RNF180: variants seen among roughly 807,000 people sequenced by gnomAD.
RNF180 encodes the protein ring finger protein 180.
RNF180 carries 38 observed loss-of-function variants against 59.2 expected under a neutral mutation model. The ratio of observed to expected loss-of-function variants is 0.64; its 90% CI spans 0.50 to 0.84. The LOEUF is 0.84. RNF180 is among the 40% of genes least tolerant of loss of function. The pLI, the probability that RNF180 is intolerant of heterozygous loss-of-function variation, is 0.00. For missense variants in RNF180, 705 were observed against 700.9 expected (o/e 1.01, Z -0.07); for synonymous variants, 262 against 240.3 (o/e 1.09, Z -0.84).
At chr5:64,173,383 G>T (rs148546123) in intron 1 of RNF180, among the ~76,000 whole-genome samples, 3,064 of 152,070 alleles carry the variant, frequency 0.02, 56 homozygotes, top group Middle Eastern at 0.051. Flanking sequence ...ATATTTGGGG[G>T]TACAGTGTGA....
chr5:64,178,760 A>G (rs1750400415), intron 1 of RNF180, among the ~76,000 whole-genome samples: 1 of 152,326 alleles, frequency 6.6e-6, no homozygotes, highest in Non-Finnish European at 1.5e-5. Context: ...AACTGTCCAC[A>G]TAGCCATTAG....
rs908858232 is a variant in RNF180, at chr5:64,330,181, G to A, written c.1454-100G>A. Reference sequence around the variant, plus strand: ...TCACTGACTTAAAGAGGTGTGAATTGTATCAAATAGTATCAAAATACTACA... The same window carrying A: ...TCACTGACTTAAAGAGGTGTGAATTATATCAAATAGTATCAAAATACTACA... On this transcript the variant is annotated intron_variant, in intron 6 of 7. Coordinates refer to ENST00000389100, the MANE Select transcript of RNF180 (RefSeq NM_001113561.2). The A allele has an allele frequency of 1.1e-5, 9 of 797,666 alleles. No individual in the cohort carries two copies. The African/African-American group carries it at 1.4e-4, about 13-fold the overall frequency. The allele number at this position is 797,666 out of a possible 1,614,324, so 49.4% of individuals were successfully genotyped here. A position where few individuals can be genotyped will look rare whatever the true frequency, so the allele number is the denominator to read the frequency against.
At position 64,270,594 on chromosome 5, in the gene RNF180, A is replaced by G. The variant is rs531588041; in HGVS notation, c.1227+53198A>G. Among the ~76,000 whole-genome samples the G allele has an allele frequency of 5.9e-5, 9 of 152,262 alleles. No individual in the cohort carries two copies. The East Asian group carries it at 1.7e-3, about 29-fold the overall frequency. ...TGGCATTCTTCCCATTGTGCTGATA[A>G]GTACATTGAGACTCAGAGAGGTTGA... is the stretch of plus-strand genomic sequence containing the variant. On this transcript the variant is annotated intron_variant, in intron 5 of 7. Transcript: ENST00000389100.
upstream of RNF180, chr5:64,165,781 G>A (rs1016790744): frequency 6.6e-6 from 1 of 152,228 alleles, no homozygotes; most frequent in African/African-American, 2.4e-5. Flanking sequence ...GCGGGGTCGG[G>A]GCTGCAGGCA....
At position 64,272,258 on chromosome 5, in the gene RNF180, C is replaced by A. The variant is rs780135690; in HGVS notation, c.1228-52928C>A. ...TTTTAGTTTGAGGAGTCAGGGAAGG[C>A]TTTCCAAATTGAAAAAGTGTCCTTT... On this transcript the variant is annotated intron_variant, in intron 5 of 7. Transcript: ENST00000389100. Among the ~76,000 whole-genome samples, 233 of 151,908 alleles carry A rather than the reference C, an allele frequency of 1.5e-3. 2 individuals carry two copies. The highest frequency in any genetic ancestry group is 8.5e-4 in the Admixed American group (13 of 15,222).
intron 7 of RNF180, among the ~76,000 whole-genome samples, chr5:64,334,588 A>C (rs752706080): frequency 6.6e-6 from 1 of 152,150 alleles, no homozygotes; most frequent in Non-Finnish European, 1.5e-5. Context: ...TTTTGTATTT[A>C]TCATTTCTTT....
intron 1 of RNF180, among the ~76,000 whole-genome samples, chr5:64,192,121 A>G (rs1006551287): frequency 3.9e-5 from 6 of 151,920 alleles, no homozygotes; most frequent in East Asian, 1.9e-4. Context: ...ATTTTGAGAT[A>G]GCAAACAAAC....
At chr5:64,237,405 G>A (rs951672198) in intron 5 of RNF180, among the ~76,000 whole-genome samples, 1 of 152,078 alleles carries the variant, frequency 6.6e-6, no homozygotes. Flanking sequence ...TTTGGAATGG[G>A]AACATTTACC....
intron 5 of RNF180, among the ~76,000 whole-genome samples, chr5:64,269,930 C>G (rs1218371676): frequency 6.6e-6 from 1 of 152,042 alleles, no homozygotes; most frequent in East Asian, 1.9e-4. Context: ...CATTCATTGC[C>G]TGGCTGAAAT....
intron 5 of RNF180, among the ~76,000 whole-genome samples, chr5:64,233,152 T>C (rs2112204457): frequency 6.6e-6 from 1 of 152,260 alleles, no homozygotes; most frequent in Admixed American, 6.5e-5. Flanking sequence ...TCCAAAAAAA[T>C]GGAATGTAAA....
intron 5 of RNF180, among the ~76,000 whole-genome samples, chr5:64,239,645 A>G (rs1365362339): frequency 1.3e-5 from 2 of 152,176 alleles, no homozygotes; most frequent in African/African-American, 2.4e-5. Flanking sequence ...AGAACAGTTT[A>G]AAATCAGCGA....
At chr5:64,173,995 T>C (rs2111891658) in intron 1 of RNF180, among the ~76,000 whole-genome samples, 1 of 152,296 alleles carries the variant, frequency 6.6e-6, no homozygotes, top group South Asian at 2.1e-4. Flanking sequence ...ATTACAGGCG[T>C]GAGCCACCAC....
chr5:64,292,044 G>T (rs1742619927), intron 5 of RNF180, among the ~76,000 whole-genome samples: 2 of 152,066 alleles, frequency 1.3e-5, no homozygotes, highest in South Asian at 4.2e-4. Context: ...ATTTTGTCAT[G>T]ATTCTTAGCT....
intron 5 of RNF180, among the ~76,000 whole-genome samples, chr5:64,286,902 T>C (rs1175797053): frequency 1.3e-5 from 2 of 152,092 alleles, no homozygotes; most frequent in Non-Finnish European, 2.9e-5. Flanking sequence ...AAGGGCAAAC[T>C]GGAAGGGGAA....
chr5:64,280,796 C>T (rs1741972423), intron 5 of RNF180, among the ~76,000 whole-genome samples: 1 of 152,026 alleles, frequency 6.6e-6, no homozygotes, highest in Non-Finnish European at 1.5e-5. Context: ...CTTTTTGGTT[C>T]CATATGCATT....
At chr5:64,198,818 A>ATT (rs60172784) in intron 1 of RNF180, among the ~76,000 whole-genome samples, 11 of 146,754 alleles carry the variant, frequency 7.5e-5, no homozygotes, top group East Asian at 2.0e-4. Flanking sequence ...AAATTAAACA[A>ATT]TTTTTTTTTT....
At chr5:64,329,630 G>A (rs762784598) in intron 6 of RNF180, among the ~76,000 whole-genome samples, 1 of 151,740 alleles carries the variant, frequency 6.6e-6, no homozygotes, top group Non-Finnish European at 1.5e-5. Context: ...GCTAATTTTT[G>A]TATTTTTAGT....
intron 7 of RNF180, among the ~76,000 whole-genome samples, chr5:64,342,465 T>C (rs1580281981): frequency 6.6e-6 from 1 of 152,134 alleles, no homozygotes. Flanking sequence ...TAGCCGATTT[T>C]CTACATGAGA....
intron 1 of RNF180, among the ~76,000 whole-genome samples, chr5:64,187,743 T>C (rs903996175): frequency 3.3e-5 from 5 of 152,180 alleles, no homozygotes; most frequent in African/African-American, 1.2e-4. Context: ...CACCAAATAA[T>C]ACAGGTACTT....
Sources: gnomAD v4.1 joint callset for allele counts (sites outside exome capture counted in the v4.1 genomes callset) on GRCh38, gnomAD v4.1.1 for gene constraint, MANE v1.5 for transcripts, NCBI Gene and HGNC (gene_info 2026-07-23, HGNC 2026-07-21) for gene names.